LAMB4: variants seen among roughly 807,000 people sequenced by gnomAD.
LAMB4 encodes the protein laminin subunit beta-4.
In LAMB4, 196 loss-of-function variants were observed where a neutral mutation model predicts 199.2. That is an observed-to-expected ratio of 0.98 (90% confidence interval 0.88 to 1.11). LAMB4 has a LOEUF of 1.11. Ranked by LOEUF, LAMB4 falls within the 50% of genes least tolerant of loss-of-function variation. The pLI is 0.00. For synonymous variants in LAMB4, 744 were observed against 770.6 expected (o/e 0.97, Z 0.57); for missense variants, 2,080 against 2,171.2 (o/e 0.96, Z 0.83).
intron 1 of LAMB4, among the ~76,000 whole-genome samples, chr7:108,125,883 T>C (rs901385469): frequency 2.0e-5 from 3 of 152,232 alleles, no homozygotes; most frequent in Admixed American, 1.3e-4. Flanking sequence ...ATTTCTTCAG[T>C]CCATATGGGA....
chr7:108,040,647 C>T (rs2035391480), intron 29 of LAMB4, among the ~76,000 whole-genome samples: 1 of 152,070 alleles, frequency 6.6e-6, no homozygotes, highest in Non-Finnish European at 1.5e-5. Context: ...GTCAACAAAA[C>T]CAAGAAATGG....
At chr7:108,118,377 G>A (rs75686809) in intron 2 of LAMB4, among the ~76,000 whole-genome samples, 435 of 152,142 alleles carry the variant, frequency 2.9e-3, no homozygotes, top group African/African-American at 0.01. Context: ...CAATATGAAG[G>A]CTTACTATAT....
At chr7:108,104,091 T>C (rs2037912234) in intron 9 of LAMB4, among the ~76,000 whole-genome samples, 1 of 152,182 alleles carries the variant, frequency 6.6e-6, no homozygotes, top group Admixed American at 6.5e-5. Flanking sequence ...GCCTCATTTC[T>C]CCTATTATCC....
chr7:108,078,284 C>A lies in LAMB4; in HGVS notation c.1920G>T (p.Val640=). The change falls in exon 16 of 34, where the codon GTG becomes GTT. Residue 640 remains valine, a synonymous_variant. Transcript: ENST00000388781. Reference sequence around the variant, plus strand: ...AGTGCTCACTCCCTCCAGGGGGGTTCACCACAATCTGGACAGTCCAGTCAG... The same window carrying A: ...AGTGCTCACTCCCTCCAGGGGGGTTAACCACAATCTGGACAGTCCAGTCAG... ...SAADWTVQIV[V]NPPGGSEHCI... is the part of the protein sequence containing the mutation. 1 of 1,609,520 alleles carries A rather than the reference C, an allele frequency of 6.2e-7. No homozygotes were observed. Among genetic ancestry groups the A allele is most frequent in the Non-Finnish European group, 8.5e-7 (1 of 1,177,996 alleles).
chr7:108,112,567 A>G (rs1364421299), intron 3 of LAMB4, among the ~76,000 whole-genome samples: 6 of 152,154 alleles, frequency 3.9e-5, no homozygotes, highest in African/African-American at 1.4e-4. Flanking sequence ...TGATGAGATT[A>G]CAGGTGTGAG....
intron 29 of LAMB4, among the ~76,000 whole-genome samples, chr7:108,040,783 G>A (rs1242164916): frequency 6.6e-6 from 1 of 152,088 alleles, no homozygotes; most frequent in African/African-American, 2.4e-5. Flanking sequence ...AGACTAAAAT[G>A]TAAAACCCAA....
intron 28 of LAMB4, 49 bp downstream of exon 28, chr7:108,047,859 G>A (rs1226764379): frequency 6.7e-7 from 1 of 1,482,236 alleles, no homozygotes; most frequent in Non-Finnish European, 9.4e-7. Context: ...TAAGCAGTCT[G>A]CTTCTTTATT....
chr7:108,056,768 G>A (rs1330770997), intron 24 of LAMB4, among the ~76,000 whole-genome samples: 3 of 152,052 alleles, frequency 2.0e-5, no homozygotes, highest in Non-Finnish European at 2.9e-5. Context: ...CCAGGAGTTC[G>A]AGACCAGCAT....
intron 31 of LAMB4, 67 bp downstream of exon 31, chr7:108,034,141 A>C (rs567868663): frequency 3.1e-5 from 46 of 1,475,964 alleles, no homozygotes; most frequent in Middle Eastern, 1.7e-4. Flanking sequence ...ATTGGCATAC[A>C]TAAAAAGCAC....
chr7:108,111,590 G>A (rs1038268842), intron 4 of LAMB4, among the ~76,000 whole-genome samples: 1 of 152,190 alleles, frequency 6.6e-6, no homozygotes, highest in Non-Finnish European at 1.5e-5. Context: ...GAAACATTCT[G>A]AGTTATGTGC....
intron 29 of LAMB4, among the ~76,000 whole-genome samples, chr7:108,043,304 T>G (rs1269790036): frequency 6.6e-6 from 1 of 152,140 alleles, no homozygotes; most frequent in Non-Finnish European, 1.5e-5. Flanking sequence ...AGAATTGTCA[T>G]GTTGAACTTT....
chr7:108,048,160 T>TGC, intron 27 of LAMB4, 49 bp from the exon 28 acceptor site: 1 of 398,632 alleles, frequency 2.5e-6, no homozygotes, highest in Non-Finnish European at 3.7e-6. Flanking sequence ...TGTCAGAGCT[T>TGC]TTTTTTTTTT....
At chr7:108,015,209 G>A in the LAMB4 span, among the ~76,000 whole-genome samples, 1 of 152,114 alleles carries the variant, frequency 6.6e-6, no homozygotes, top group Admixed American at 6.6e-5. Context: ...CCCTAGATGA[G>A]TCACAATGCA....
intron 30 of LAMB4, among the ~76,000 whole-genome samples, chr7:108,036,018 C>T (rs539784799): frequency 5.9e-5 from 9 of 151,906 alleles, no homozygotes; most frequent in South Asian, 2.1e-4. Context: ...GCCACCACAC[C>T]GGCTAATTTT....
intron 3 of LAMB4, among the ~76,000 whole-genome samples, chr7:108,113,145 C>G (rs2038289797): frequency 6.6e-6 from 1 of 152,194 alleles, no homozygotes; most frequent in African/African-American, 2.4e-5. Flanking sequence ...ATGCCACCAT[C>G]TTTTCACCCC....
Position 108,111,956 on chromosome 7 carries a change from A to C in LAMB4, c.193-10T>G, listed in dbSNP as rs761696481. ...AGCATTTTTGTTCCCCCTGGAAAACACCATTATTAAAATTAAAAATAAAAA... is the reference window on the plus strand; with the variant it reads ...AGCATTTTTGTTCCCCCTGGAAAACCCCATTATTAAAATTAAAAATAAAAA... On this transcript the variant is annotated splice_polypyrimidine_tract_variant and intron_variant, in intron 3 of 33. Coordinates refer to ENST00000388781, the MANE Select transcript of LAMB4 (RefSeq NM_007356.3). The C allele has an allele frequency of 3.2e-6, 5 of 1,583,686 alleles. No individual in the cohort carries two copies. Among genetic ancestry groups the C allele is most frequent in the Non-Finnish European group, 4.3e-6 (5 of 1,168,940 alleles).
Position 108,092,374 on chromosome 7 carries a change from G to C in LAMB4, c.1513C>G (p.Pro505Ala), listed in dbSNP as rs2037441130. 1.9e-6 allele frequency: 3 copies of C among 1,613,842 alleles called. No homozygotes were observed. The highest frequency in any genetic ancestry group is 1.7e-5 in the Admixed American group (1 of 59,986). ...GCACCTCCAATATCACAGTCACAGG[G>C]AGAACACCCATGGAGATGATTTCCC... ...GLGNHLHGCS[P>A]CDCDIGGAYS... is the part of the protein sequence containing the mutation. The change falls in exon 13 of 34, where the codon CCC (proline) becomes GCC (alanine). Residue 505 changes from proline to alanine, a missense_variant. Transcript: ENST00000388781.
chr7:108,041,743 G>A (rs184410900), intron 29 of LAMB4, among the ~76,000 whole-genome samples: 181 of 152,236 alleles, frequency 1.2e-3, no homozygotes, highest in African/African-American at 4.2e-3. Flanking sequence ...GGGGCCTTTT[G>A]GAAGGTGGAG....
At chr7:108,070,409 C>T (rs1015335331) in intron 17 of LAMB4, among the ~76,000 whole-genome samples, 16 of 152,266 alleles carry the variant, frequency 1.1e-4, no homozygotes, top group East Asian at 1.9e-4. Context: ...CCAGAACTGA[C>T]GCTTGAACAA....
Sources: allele counts gnomAD v4.1 joint callset (sites outside exome capture counted in the v4.1 genomes callset), GRCh38; gene constraint gnomAD v4.1.1; transcripts MANE v1.5; gene names NCBI Gene and HGNC (gene_info 2026-07-23, HGNC 2026-07-21).